MYO16: variants seen among roughly 807,000 people sequenced by gnomAD.
The protein encoded by MYO16 is unconventional myosin-XVI.
In MYO16, 94 loss-of-function variants were observed where a neutral mutation model predicts 205.3. The ratio of observed to expected loss-of-function variants is 0.46; its 90% CI spans 0.39 to 0.54. MYO16 has a LOEUF of 0.54. MYO16 is among the 20% of genes least tolerant of loss of function. The pLI is 0.00. For synonymous variants in MYO16, 988 were observed against 954.0 expected, an observed-to-expected ratio of 1.04 and a Z score of -0.66; for missense variants, 2,315 against 2,387.5, an observed-to-expected ratio of 0.97 and a Z score of 0.63.
chr13:108,665,741 C>T, intron 1 of MYO16, 145 bp from the exon 2 acceptor site: 2 of 810,536 alleles, frequency 2.5e-6, no homozygotes, highest in Non-Finnish European at 3.5e-6. Flanking sequence ...ATAAAAAGGG[C>T]TTTGGATTTG....
intron 11 of MYO16, among the ~76,000 whole-genome samples, chr13:108,857,176 C>A (rs1878224635): frequency 6.6e-6 from 1 of 152,134 alleles, no homozygotes; most frequent in Non-Finnish European, 1.5e-5. Flanking sequence ...CAAATAATCC[C>A]ACTCTTTAAG....
intron 20 of MYO16, among the ~76,000 whole-genome samples, chr13:108,966,557 G>A (rs1883799420): frequency 6.6e-6 from 1 of 152,186 alleles, no homozygotes; most frequent in South Asian, 2.1e-4. Flanking sequence ...GTGGCAATGT[G>A]TAAATTCATA....
In MYO16 at chr13:108,638,994, C is replaced by T. The variant is rs537587733; in HGVS notation, c.28+9122C>T. 3.9e-5 allele frequency among the ~76,000 whole-genome samples: 6 copies of T among 152,168 alleles called. No homozygotes were observed. In the East Asian group the frequency reaches 5.8e-4, roughly 15 times the overall value. ...AGCACCATGTTGTGACTGCGTAGTG[C>T]GTTCAAAGCAAAGAGATGGAGAAAG... is the stretch of plus-strand genomic sequence containing the variant. On this transcript the variant is annotated intron_variant, in intron 1 of 34. Coordinates refer to ENST00000457511, the MANE Select transcript of MYO16 (RefSeq NM_001198950.3).
the MYO16 span, among the ~76,000 whole-genome samples, chr13:108,505,290 T>A: frequency 6.6e-6 from 1 of 152,318 alleles, no homozygotes; most frequent in African/African-American, 2.4e-5. Flanking sequence ...GCACAAGAGT[T>A]CAAGTTTCTC....
chr13:108,852,492 G>C (rs1877931067), intron 10 of MYO16, among the ~76,000 whole-genome samples: 1 of 152,122 alleles, frequency 6.6e-6, no homozygotes, highest in East Asian at 1.9e-4. Context: ...CTTTAAATAA[G>C]GATGCTATAA....
intron 9 of MYO16, among the ~76,000 whole-genome samples, chr13:108,825,611 AG>A (rs1325764915): frequency 6.6e-6 from 1 of 151,588 alleles, no homozygotes; most frequent in Non-Finnish European, 1.5e-5. Flanking sequence ...ATAAATGAAT[AG>A]TATCCAAACT....
intron 13 of MYO16, among the ~76,000 whole-genome samples, chr13:108,887,726 G>T (rs1050938475): frequency 1.3e-5 from 2 of 152,182 alleles, no homozygotes; most frequent in African/African-American, 4.8e-5. Context: ...AGCAGGTCAG[G>T]TTTAGTAGGA....
chr13:108,869,318 A>G (rs1878894478), intron 12 of MYO16, among the ~76,000 whole-genome samples: 1 of 152,148 alleles, frequency 6.6e-6, no homozygotes, highest in Non-Finnish European at 1.5e-5. Flanking sequence ...GCTCTTCTGG[A>G]GGATATATTG....
intron 27 of MYO16, chr13:109,065,535 A>G (rs189423557): frequency 1.3e-5 from 6 of 454,592 alleles, no homozygotes; most frequent in East Asian, 6.1e-5. Context: ...TGAAAAAAAA[A>G]AAAAGAAAAA....
chr13:108,753,382 A>AAAAAAAAAAAAAAC (rs1566587629), intron 4 of MYO16, among the ~76,000 whole-genome samples: 13 of 151,228 alleles, frequency 8.6e-5, no homozygotes, highest in African/African-American at 2.7e-4. Context: ...AAAAAAAAAA[A>AAAAAAAAAAAAAAC]AAAAAAAAAA....
At chr13:108,528,837 T>G in the MYO16 span, among the ~76,000 whole-genome samples, 1 of 150,014 alleles carries the variant, frequency 6.7e-6, no homozygotes, top group Non-Finnish European at 1.5e-5. Context: ...CTTTTGACGA[T>G]GTGAGAGGAA....
chr13:109,017,972 C>T (rs1424105080), intron 22 of MYO16, among the ~76,000 whole-genome samples: 2 of 152,192 alleles, frequency 1.3e-5, no homozygotes, highest in East Asian at 3.9e-4. Flanking sequence ...TCTTTCAGCT[C>T]ATCAAAGTCA....
intron 1 of MYO16, among the ~76,000 whole-genome samples, chr13:108,647,936 G>A (rs1880825666): frequency 1.3e-5 from 2 of 152,196 alleles, no homozygotes; most frequent in African/African-American, 4.8e-5. Flanking sequence ...GAATGAATGA[G>A]TTCCTTTAAC....
At chr13:109,031,192 AGC>A in intron 23 of MYO16, among the ~76,000 whole-genome samples, 1 of 152,174 alleles carries the variant, frequency 6.6e-6, no homozygotes, top group East Asian at 1.9e-4. Flanking sequence ...CCCAGATTCA[AGC>A]GATTCTTCAG....
At chr13:108,620,920 C>A (rs1879517556) in intron 1 of MYO16, among the ~76,000 whole-genome samples, 1 of 152,188 alleles carries the variant, frequency 6.6e-6, no homozygotes, top group Non-Finnish European at 1.5e-5. Flanking sequence ...AACAGAGCCT[C>A]CCATCCCCAC....
Position 109,101,246 on chromosome 13 carries a change from C to A in MYO16, c.3438+359C>A, listed in dbSNP as rs186057750. 4 of 191,930 alleles carry A rather than the reference C, an allele frequency of 2.1e-5. No individual in the cohort carries two copies. The East Asian group carries it at 4.8e-4, about 23-fold the overall frequency. The allele number at this position is 191,930 out of a possible 1,614,324, so 11.9% of individuals were successfully genotyped here. ...AAAATTGAAGAACTAAGGTTGATTT[C>A]TTTGTGCAGAGTTGGTCTCTCATAA... On this transcript the variant is annotated intron_variant, in intron 28 of 34. Transcript: ENST00000457511.
intron 23 of MYO16, among the ~76,000 whole-genome samples, chr13:109,036,031 A>G (rs1395159596): frequency 6.6e-6 from 1 of 152,212 alleles, no homozygotes; most frequent in Non-Finnish European, 1.5e-5. Flanking sequence ...TTAGCCACAT[A>G]GTAGGTGCTC....
chr13:108,703,853 A>T (rs1419663951), intron 2 of MYO16, among the ~76,000 whole-genome samples: 1 of 152,178 alleles, frequency 6.6e-6, no homozygotes, highest in African/African-American at 2.4e-5. Flanking sequence ...CTTAGCCCCC[A>T]GTAAATCAGA....
chr13:109,170,152 G>C (rs1388543456), intron 33 of MYO16, among the ~76,000 whole-genome samples: 2 of 151,568 alleles, frequency 1.3e-5, no homozygotes, highest in Non-Finnish European at 2.9e-5. Flanking sequence ...ACATAAATAG[G>C]GAGAAAATAT....
Sources: gnomAD v4.1 joint callset for allele counts (sites outside exome capture counted in the v4.1 genomes callset) on GRCh38, gnomAD v4.1.1 for gene constraint, MANE v1.5 for transcripts, NCBI Gene and HGNC (gene_info 2026-07-23, HGNC 2026-07-21) for gene names.